Variants in FANCM observed in about 807,000 individuals in gnomAD.
FANCM encodes FA complementation group M.
Under a neutral mutation model 199.5 loss-of-function variants are expected in FANCM, and 140 were observed. The ratio of observed to expected loss-of-function variants is 0.70; its 90% CI spans 0.61 to 0.81. The LOEUF is 0.81. Ranked by LOEUF, FANCM falls within the 30% of genes least tolerant of loss-of-function variation. FANCM has a pLI of 0.00. For missense variants in FANCM, 2,410 were observed against 2,421.4 expected, an observed-to-expected ratio of 1.00 and a Z score of 0.10; for synonymous variants, 840 against 836.8, an observed-to-expected ratio of 1.00 and a Z score of -0.07.
chr14:45,160,502 T>A (rs1437394782), intron 9 of FANCM, among the ~76,000 whole-genome samples: 1 of 150,150 alleles, frequency 6.7e-6, no homozygotes, highest in East Asian at 2.0e-4. Context: ...TTTTTTGTAT[T>A]TTTAGTAGAG....
chr14:45,196,149 A>G, intron 20 of FANCM, 23 bp from the exon 21 acceptor site: 1 of 1,613,794 alleles, frequency 6.2e-7, no homozygotes, highest in Non-Finnish European at 8.5e-7. Context: ...CCTGAATGTG[A>G]CCAGTGTTTT....
chr14:45,135,984 G>C lies in FANCM; in HGVS notation c.-48G>C. 2 of 1,604,924 alleles carry C rather than the reference G, an allele frequency of 1.2e-6. No homozygotes were observed. Among genetic ancestry groups the C allele is most frequent in the African/African-American group, 2.7e-5 (2 of 74,874 alleles). On this transcript the variant is annotated 5_prime_UTR_variant, in exon 1 of 23. Coordinates refer to ENST00000267430, the MANE Select transcript of FANCM (RefSeq NM_020937.4). ...GGATCGGAACCGTAGCGGTTGAGCT[G>C]CTGCTGCTACGGATATCTGACAGAA...
rs767201661 is a variant in FANCM at position 45,159,076 on chromosome 14, G to A, written c.1397-20G>A. On this transcript the variant is annotated intron_variant, in intron 8 of 22. Transcript: ENST00000267430. ...TGCTTTGTAAAAAGTTGTAATTAAAGTTTTTATATATATATATAGCTGAAA... is the reference window on the plus strand; with the variant it reads ...TGCTTTGTAAAAAGTTGTAATTAAAATTTTTATATATATATATAGCTGAAA... The A allele has an allele frequency of 4.8e-6, 7 of 1,465,054 alleles. No individual in the cohort carries two copies. Among genetic ancestry groups the A allele is most frequent in the African/African-American group, 1.4e-5 (1 of 69,772 alleles). The allele number at this position is 1,465,054 out of a possible 1,614,324, so 90.8% of individuals were successfully genotyped here.
intron 2 of FANCM, among the ~76,000 whole-genome samples, chr14:45,139,286 T>G (rs1231743811): frequency 6.6e-6 from 1 of 152,258 alleles, no homozygotes; most frequent in African/African-American, 2.4e-5. Flanking sequence ...GTACCATATT[T>G]TTAAAAGCTC....
intron 20 of FANCM, among the ~76,000 whole-genome samples, chr14:45,191,057 T>G (rs537538830): frequency 6.6e-6 from 1 of 152,292 alleles, no homozygotes; most frequent in East Asian, 1.9e-4. Flanking sequence ...GTATAATTCC[T>G]TATAAATGGG....
chr14:45,164,308 A>G lies in FANCM; in HGVS notation c.1582-51A>G, dbSNP rs369635174. 29 of 1,407,884 alleles carry G rather than the reference A, an allele frequency of 2.1e-5. No homozygotes were observed. In the African/African-American group the frequency reaches 3.2e-4, roughly 16 times the overall value. The allele number at this position is 1,407,884 out of a possible 1,614,324, so 87.2% of individuals were successfully genotyped here. A position where few individuals can be genotyped will look rare whatever the true frequency, so the allele number is the denominator to read the frequency against. On this transcript the variant is annotated intron_variant, in intron 9 of 22. Transcript: ENST00000267430. ...AGTGGGGAAAAATATGCTTTGATCTACAGTTCTCTTACATTTGCATGTAGT... is the reference window on the plus strand; with the variant it reads ...AGTGGGGAAAAATATGCTTTGATCTGCAGTTCTCTTACATTTGCATGTAGT...
rs376798467 is a variant in FANCM at position 45,176,086 on chromosome 14, T to C, written c.3332T>C (p.Val1111Ala). The change falls in exon 14 of 23, where the codon GTT becomes GCT. Residue 1111 changes from valine (V) to alanine (A), a missense_variant. Coordinates refer to ENST00000267430, the MANE Select transcript of FANCM (RefSeq NM_020937.4). ...QIHRSPAQNL[V>A]GENNHDVDNS... Reference sequence around the variant, plus strand: ...CACAGAAGCCCTGCACAGAATTTAGTTGGAGAGAACAATCATGATGTTGAT... The same window carrying C: ...CACAGAAGCCCTGCACAGAATTTAGCTGGAGAGAACAATCATGATGTTGAT... 22 of 1,613,972 alleles carry C rather than the reference T, an allele frequency of 1.4e-5. No individual in the cohort carries two copies. Among genetic ancestry groups the C allele is most frequent in the East Asian group, 4.5e-5 (2 of 44,874 alleles).
At chr14:45,166,706 G>T (rs754113170) in intron 10 of FANCM, among the ~76,000 whole-genome samples, 24 of 151,104 alleles carry the variant, frequency 1.6e-4, no homozygotes, top group Non-Finnish European at 2.9e-4. Context: ...AGCCCAGGAG[G>T]TTGAGGCTGC....
intron 10 of FANCM, among the ~76,000 whole-genome samples, chr14:45,164,909 T>C (rs2139206741): frequency 6.6e-6 from 1 of 152,350 alleles, no homozygotes; most frequent in South Asian, 2.1e-4. Flanking sequence ...TTCTGAACTA[T>C]AGTAAACTGA....
intron 13 of FANCM, 133 bp from the exon 14 acceptor site, chr14:45,174,938 A>G: frequency 1.7e-6 from 1 of 590,138 alleles, no homozygotes; most frequent in Non-Finnish European, 2.9e-6. Flanking sequence ...AATAACTTTT[A>G]AGGTATAAAA....
Position 45,200,197 on chromosome 14 carries a change from T to C in FANCM, c.*189T>C, listed in dbSNP as rs1281774958. On this transcript the variant is annotated 3_prime_UTR_variant, in exon 23 of 23. Coordinates refer to ENST00000267430, the MANE Select transcript of FANCM (RefSeq NM_020937.4). ...AAAATCTGATGTTCAGTGATCATTT[T>C]GACTAGATTATAAAACTAATTTTTC... 5.1e-6 allele frequency: 1 copy of C among 194,894 alleles called. No individual in the cohort carries two copies. Among genetic ancestry groups the C allele is most frequent in the Non-Finnish European group, 9.9e-6 (1 of 100,774 alleles). 12.1% of individuals were successfully genotyped at this position (194,894 alleles called of 1,614,324 possible). A position where few individuals can be genotyped will look rare whatever the true frequency, so the allele number is the denominator to read the frequency against.
In FANCM at chr14:45,196,495, G is replaced by A. The variant is rs757672014; in HGVS notation, c.5664G>A (p.Gln1888=). The change falls in exon 21 of 23, where the codon CAG becomes CAA. Residue 1888 remains glutamine, a synonymous_variant. Transcript: ENST00000267430. ...NKFIEQIQHL[Q]SMFERICVIV... is the part of the protein sequence containing the mutation. ...TCATTGAGCAGATCCAGCACCTGCAGAGTATGTTTGAAAGAATATGTGTGA... is the reference window on the plus strand; with the variant it reads ...TCATTGAGCAGATCCAGCACCTGCAAAGTATGTTTGAAAGAATATGTGTGA... 1 of 1,614,092 alleles carries A rather than the reference G, an allele frequency of 6.2e-7. No individual in the cohort carries two copies. Among genetic ancestry groups the A allele is most frequent in the Non-Finnish European group, 8.5e-7 (1 of 1,179,992 alleles).
intron 16 of FANCM, among the ~76,000 whole-genome samples, chr14:45,182,607 A>G (rs964787068): frequency 3.3e-5 from 5 of 152,178 alleles, no homozygotes; most frequent in African/African-American, 1.2e-4. Flanking sequence ...ATAGATGGAC[A>G]GGTCTTAAGG....
At chr14:45,179,561 C>CTT (rs36031280) in intron 14 of FANCM, among the ~76,000 whole-genome samples, 12 of 95,494 alleles carry the variant, frequency 1.3e-4, no homozygotes, top group East Asian at 2.6e-4. Flanking sequence ...TTCTTTCTTT[C>CTT]TTTTTTTTTT....
intron 10 of FANCM, among the ~76,000 whole-genome samples, chr14:45,165,399 C>T (rs1428266763): frequency 1.3e-5 from 2 of 151,786 alleles, no homozygotes; most frequent in African/African-American, 4.8e-5. Flanking sequence ...AATACAAAAA[C>T]GAGACAGGTG....
rs1888585906 is a variant in FANCM at position 45,175,190 on chromosome 14, C to T, written c.2436C>T (p.His812=). 6.2e-7 allele frequency: 1 copy of T among 1,611,376 alleles called. No individual in the cohort carries two copies. The highest frequency in any genetic ancestry group is 1.1e-5 in the South Asian group (1 of 90,806). Reference sequence around the variant, plus strand: ...TTGCCAGTGACACCTTTATCACTCACAAGAAATCGTCATTTATAAAGAACA... The same window carrying T: ...TTGCCAGTGACACCTTTATCACTCATAAGAAATCGTCATTTATAAAGAACA... ...NNLASDTFIT[H]KKSSFIKNIN... is the part of the protein sequence containing the mutation. Residue 812 remains histidine (H), a synonymous_variant, in exon 14 of 23, where the codon CAC becomes CAT. Transcript: ENST00000267430.
At chr14:45,158,540 AG>A (rs1887358239) in intron 8 of FANCM, among the ~76,000 whole-genome samples, 1 of 152,082 alleles carries the variant, frequency 6.6e-6, no homozygotes, top group Non-Finnish European at 1.5e-5. Context: ...ATTTGAGGAC[AG>A]AATGCATGGC....
At chr14:45,161,369 G>T (rs562921490) in intron 9 of FANCM, among the ~76,000 whole-genome samples, 1 of 152,292 alleles carries the variant, frequency 6.6e-6, no homozygotes, top group African/African-American at 2.4e-5. Context: ...GGGGGGGCCA[G>T]ATCCTTTAGG....
At chr14:45,153,133 A>T (rs1185909522) in intron 5 of FANCM, among the ~76,000 whole-genome samples, 3 of 152,248 alleles carry the variant, frequency 2.0e-5, no homozygotes, top group Non-Finnish European at 4.4e-5. Flanking sequence ...TGCTCTCCTT[A>T]AAAACTATCT....
Sources: allele counts gnomAD v4.1 joint callset (sites outside exome capture counted in the v4.1 genomes callset), GRCh38; gene constraint gnomAD v4.1.1; transcripts MANE v1.5; gene names NCBI Gene and HGNC (gene_info 2026-07-23, HGNC 2026-07-21).